The following AFG1L variants were observed in gnomAD, a reference collection of about 807,000 sequenced individuals.
AFG1L encodes the protein AFG1-like ATPase.
In AFG1L, 53 loss-of-function variants were observed where a neutral mutation model predicts 62.2. That is an observed-to-expected ratio of 0.85 (90% CI 0.68 to 1.07). AFG1L has a LOEUF of 1.07. AFG1L is among the 50% of genes least tolerant of loss of function. The pLI, the probability that AFG1L is intolerant of heterozygous loss-of-function variation, is 0.00. For missense variants in AFG1L, 555 were observed against 590.5 expected, an observed-to-expected ratio of 0.94 and a Z score of 0.62; for synonymous variants, 228 against 210.3, an observed-to-expected ratio of 1.08 and a Z score of -0.73.
intron 2 of AFG1L, 68 bp downstream of exon 2, chr6:108,324,116 G>A: frequency 9.1e-7 from 1 of 1,104,548 alleles, no homozygotes; most frequent in Non-Finnish European, 1.3e-6. Context: ...TGGATGCAAT[G>A]CAGTAGGACA....
intron 2 of AFG1L, among the ~76,000 whole-genome samples, chr6:108,337,539 A>G (rs868811153): frequency 1.1e-4 from 17 of 152,188 alleles, no homozygotes; most frequent in Admixed American, 3.9e-4. Context: ...ATGCTGGTTG[A>G]ATTGTATGAA....
chr6:108,326,146 T>A (rs771669157), intron 2 of AFG1L, among the ~76,000 whole-genome samples: 7 of 152,172 alleles, frequency 4.6e-5, no homozygotes, highest in Non-Finnish European at 7.3e-5. Flanking sequence ...CATAGCTCAC[T>A]AGTAGCCTTG....
chr6:108,385,346 C>T (rs1247660685), intron 6 of AFG1L, among the ~76,000 whole-genome samples: 2 of 152,244 alleles, frequency 1.3e-5, no homozygotes, highest in East Asian at 3.8e-4. Flanking sequence ...ACCTGGCCCA[C>T]CCAGGGCGGA....
chr6:108,391,549 A>G lies in AFG1L; in HGVS notation c.749-10447A>G, dbSNP rs145244378. Among the ~76,000 whole-genome samples the G allele has an allele frequency of 4.0e-4, 61 of 152,188 alleles. 1 individual carries two copies. In the East Asian group the frequency reaches 9.5e-3, roughly 24 times the overall value. ...TATCAGTCCTTTGTCAGTTGTATAA[A>G]TTGTGAAGATTTTCTCCCACTCTGT... On this transcript the variant is annotated intron_variant, in intron 6 of 12. Coordinates refer to ENST00000368977, the MANE Select transcript of AFG1L (RefSeq NM_145315.5).
chr6:108,460,707 C>T (rs1296619349), intron 8 of AFG1L, among the ~76,000 whole-genome samples: 4 of 152,128 alleles, frequency 2.6e-5, no homozygotes, highest in Non-Finnish European at 4.4e-5. Flanking sequence ...CCTGTAATCC[C>T]AGCACTTTGG....
At chr6:108,400,103 C>CCAAATATAAGCTCGTGTCACCTG (rs1240407757) in intron 6 of AFG1L, among the ~76,000 whole-genome samples, 3 of 151,982 alleles carry the variant, frequency 2.0e-5, no homozygotes, top group Non-Finnish European at 1.5e-5. Flanking sequence ...TTAGGTTTTT[C>CCAAATATAAGCTCGTGTCACCTG]CAAATATAAG....
intron 7 of AFG1L, among the ~76,000 whole-genome samples, chr6:108,435,224 C>T (rs112056753): frequency 0.028 from 4,329 of 152,294 alleles, 95 homozygotes; most frequent in Middle Eastern, 0.085. Flanking sequence ...CTATGGGAGG[C>T]AGGCTTTGTA....
chr6:108,298,252 G>A (rs904766970), intron 1 of AFG1L, among the ~76,000 whole-genome samples: 1 of 150,810 alleles, frequency 6.6e-6, no homozygotes, highest in Admixed American at 6.6e-5. Context: ...TGCTTGGAGA[G>A]GGGAAGAATT....
chr6:108,298,297 G>A (rs1040673363), intron 1 of AFG1L, among the ~76,000 whole-genome samples: 188 of 134,152 alleles, frequency 1.4e-3, no homozygotes, highest in African/African-American at 4.9e-3. Context: ...ACAGAGTCTC[G>A]CTCTGTCACC....
intron 8 of AFG1L, among the ~76,000 whole-genome samples, chr6:108,460,981 AATG>A (rs769130313): frequency 3.3e-5 from 5 of 151,498 alleles, no homozygotes; most frequent in African/African-American, 1.2e-4. Context: ...CAACAACAAC[AATG>A]ACAACAACAA....
chr6:108,470,271 G>A (rs572968090), intron 8 of AFG1L, among the ~76,000 whole-genome samples: 1 of 152,320 alleles, frequency 6.6e-6, no homozygotes, highest in East Asian at 1.9e-4. Context: ...TTTCCCAAGG[G>A]GAAGGCAGGG....
chr6:108,516,186 G>C (rs1774881759), intron 11 of AFG1L, among the ~76,000 whole-genome samples: 2 of 152,302 alleles, frequency 1.3e-5, no homozygotes, highest in South Asian at 2.1e-4. Flanking sequence ...AAGACTGGCA[G>C]AGACACAACA....
At chr6:108,406,313 CT>C (rs59484751) in intron 7 of AFG1L, among the ~76,000 whole-genome samples, 14,812 of 140,964 alleles carry the variant, frequency 0.11, 941 homozygotes, top group South Asian at 0.19. Flanking sequence ...TTTCTTTTTC[CT>C]TTTTTTTTTT....
chr6:108,378,033 CTT>C (rs1312888746), intron 6 of AFG1L, among the ~76,000 whole-genome samples: 11 of 134,442 alleles, frequency 8.2e-5, no homozygotes, highest in Non-Finnish European at 6.5e-5. Flanking sequence ...AAAAATTCTT[CTT>C]TTTTTTTTTT....
At chr6:108,441,707 A>C (rs1189633476) in intron 7 of AFG1L, among the ~76,000 whole-genome samples, 1 of 135,080 alleles carries the variant, frequency 7.4e-6, no homozygotes, top group Admixed American at 7.0e-5. Flanking sequence ...TATTTAAAAA[A>C]AAAAAATATA....
chr6:108,336,201 G>T (rs1471355942), intron 2 of AFG1L, among the ~76,000 whole-genome samples: 1 of 152,154 alleles, frequency 6.6e-6, no homozygotes, highest in Non-Finnish European at 1.5e-5. Flanking sequence ...GTTTTTAAAA[G>T]ATGTAATTAT....
At position 108,521,504 on chromosome 6, in the gene AFG1L, C is replaced by A. The variant is rs917135855; in HGVS notation, c.1318-793C>A. 1.8e-4 allele frequency: 28 copies of A among 152,152 alleles called. 1 individual carries two copies. Among genetic ancestry groups the A allele is most frequent in the African/African-American group, 6.7e-4 (28 of 41,516 alleles). 9.4% of individuals were successfully genotyped at this position (152,152 alleles called of 1,614,324 possible). A position where few individuals can be genotyped will look rare whatever the true frequency, so the allele number is the denominator to read the frequency against. On this transcript the variant is annotated intron_variant, in intron 12 of 12. Transcript: ENST00000368977. Reference sequence around the variant, plus strand: ...ACAGAGTGAGACCCTATCTCAAATTCCCCTAGGATCAAGAAAAAATAAGCT... The same window carrying A: ...ACAGAGTGAGACCCTATCTCAAATTACCCTAGGATCAAGAAAAAATAAGCT...
At chr6:108,299,548 A>T (rs146590621) in intron 1 of AFG1L, among the ~76,000 whole-genome samples, 86 of 152,284 alleles carry the variant, frequency 5.6e-4, no homozygotes, top group South Asian at 2.7e-3. Flanking sequence ...CAGGTAAATA[A>T]GTCTAGTTAG....
At chr6:108,347,096 CTCAGGGATGATTTCTATT>C (rs1240378687) in intron 3 of AFG1L, 57 bp downstream of exon 3, 1 of 1,356,780 alleles carries the variant, frequency 7.4e-7, no homozygotes, top group East Asian at 2.3e-5. Context: ...TCAGCTTTCT[CTCAGGGATGATTTCTATT>C]TCTATCCCTC....
Sources: allele counts gnomAD v4.1 joint callset (sites outside exome capture counted in the v4.1 genomes callset), GRCh38; gene constraint gnomAD v4.1.1; transcripts MANE v1.5; gene names NCBI Gene and HGNC (gene_info 2026-07-23, HGNC 2026-07-21).